IBA57: variants seen among roughly 807,000 people sequenced by gnomAD.
IBA57 encodes iron-sulfur cluster assembly factor IBA57, mitochondrial.
A neutral mutation model predicts 20.4 loss-of-function variants in IBA57; 20 were observed. The observed-to-expected ratio is 0.98, with a 90% CI of 0.69 to 1.42. The LOEUF (loss-of-function observed/expected upper bound fraction) is 1.42, where lower values mean the gene tolerates loss of function less well. Ranked by LOEUF, IBA57 falls within the 40% of genes most tolerant of loss-of-function variation. IBA57 has a pLI of 0.00. For missense variants in IBA57, 608 were observed against 499.3 expected (o/e 1.22, Z -2.07); for synonymous variants, 310 against 233.9 (o/e 1.33, Z -2.97).
Position 228,165,866 on chromosome 1 carries a change from C to G in IBA57, c.50C>G (p.Pro17Arg). 4 of 1,314,066 alleles carry G rather than the reference C, an allele frequency of 3.0e-6. No individual in the cohort carries two copies. The highest frequency in any genetic ancestry group is 3.9e-6 in the Non-Finnish European group (4 of 1,038,036). The allele number at this position is 1,314,066 out of a possible 1,614,324, so 81.4% of individuals were successfully genotyped here. A position where few individuals can be genotyped will look rare whatever the true frequency, so the allele number is the denominator to read the frequency against. The part of the protein sequence containing the change: ...LRGATPGRGG[P>R]VWRWRLRAAP... Reference sequence around the variant, plus strand: ...GGCGCCACTCCGGGGCGCGGCGGCCCGGTCTGGCGCTGGCGGCTGCGCGCG... The same window carrying G: ...GGCGCCACTCCGGGGCGCGGCGGCCGGGTCTGGCGCTGGCGGCTGCGCGCG... Residue 17 changes from proline to arginine, a missense_variant, in exon 1 of 3, where the codon CCG (proline) becomes CGG (arginine). Physicochemically the swap from Pro to Arg is moderately radical, Grantham distance 103. Transcript: ENST00000366711.
rs140710234 is a variant in IBA57, at chr1:228,167,698, T to C, written c.341+1541T>C. Reference sequence around the variant, plus strand: ...TGGAGTGGTAGAGTTGTGGCACGAGTGTGGCCCTCAAGCCTAAGTTATTCA... The same window carrying C: ...TGGAGTGGTAGAGTTGTGGCACGAGCGTGGCCCTCAAGCCTAAGTTATTCA... On this transcript the variant is annotated intron_variant, in intron 1 of 2. Coordinates refer to ENST00000366711, the MANE Select transcript of IBA57 (RefSeq NM_001010867.4). Among the ~76,000 whole-genome samples the C allele has an allele frequency of 4.5e-3, 690 of 152,254 alleles. 16 individuals carry two copies. Among genetic ancestry groups the C allele is most frequent in the East Asian group, 0.031 (163 of 5,182 alleles).
chr1:228,165,894 C>T lies in IBA57; in HGVS notation c.78C>T (p.Ala26=). 1 of 1,403,434 alleles carries T rather than the reference C, an allele frequency of 7.1e-7. No individual in the cohort carries two copies. Among genetic ancestry groups the T allele is most frequent in the Non-Finnish European group, 9.2e-7 (1 of 1,081,986 alleles). The allele number at this position is 1,403,434 out of a possible 1,614,324, so 86.9% of individuals were successfully genotyped here. Reference sequence around the variant, plus strand: ...TCTGGCGCTGGCGGCTGCGCGCGGCCCCAAGGTGCCGCCTGGCCCACAGCT... The same window carrying T: ...TCTGGCGCTGGCGGCTGCGCGCGGCTCCAAGGTGCCGCCTGGCCCACAGCT... The part of the protein sequence containing the change: ...GPVWRWRLRA[A]PRCRLAHSSC... The change falls in exon 1 of 3, where the codon GCC becomes GCT. Residue 26 remains alanine, a synonymous_variant. Transcript: ENST00000366711.
In IBA57 at chr1:228,180,361, C is replaced by T. The variant is rs1276222385; in HGVS notation, c.*4848C>T. On this transcript the variant is annotated 3_prime_UTR_variant, in exon 3 of 3. Coordinates refer to ENST00000366711, the MANE Select transcript of IBA57 (RefSeq NM_001010867.4). Reference sequence around the variant, plus strand: ...TGGATTTGTGGGCATGTCTAAAACACCACATCTAGAAGCTTCTACTTAGAA... The same window carrying T: ...TGGATTTGTGGGCATGTCTAAAACATCACATCTAGAAGCTTCTACTTAGAA... 1 of 151,936 alleles carries T rather than the reference C, an allele frequency of 6.6e-6. No individual in the cohort carries two copies. The highest frequency in any genetic ancestry group is 1.9e-4 in the East Asian group (1 of 5,172). The allele number at this position is 151,936 out of a possible 1,614,324, so 9.4% of individuals were successfully genotyped here.
Position 228,175,492 on chromosome 1 carries a change from G to A in IBA57, c.1050G>A (p.Trp350Ter). 6.3e-7 allele frequency: 1 copy of A among 1,577,702 alleles called. No individual in the cohort carries two copies. Among genetic ancestry groups the A allele is most frequent in the East Asian group, 2.2e-5 (1 of 44,472 alleles). The part of the protein sequence containing the change: ...QVALAASVPD[W>*]WPTVSK ...CCTTAGCCGCATCTGTGCCAGACTG[G>A]TGGCCTACAGTCTCCAAGTAGTCCG... The change falls in exon 3 of 3, where the codon TGG becomes TGA. Residue 350 changes from tryptophan (W) to a stop codon, truncating the protein, a stop_gained. Coordinates refer to ENST00000366711, the MANE Select transcript of IBA57 (RefSeq NM_001010867.4). LOFTEE classifies it high-confidence loss of function.
At chr1:228,166,302 C>T in intron 1 of IBA57, 145 bp downstream of exon 1, 1 of 317,670 alleles carries the variant, frequency 3.1e-6, no homozygotes, top group South Asian at 3.6e-5. Context: ...GGTGGAAGCT[C>T]AAGGGTGGGT....
intron 1 of IBA57, among the ~76,000 whole-genome samples, chr1:228,174,083 G>A (rs2034965168): frequency 6.6e-6 from 1 of 152,180 alleles, no homozygotes; most frequent in Non-Finnish European, 1.5e-5. Context: ...TAGCTGTGAT[G>A]CGCGCCTTGG....
In IBA57 at chr1:228,180,672, A is replaced by G. The variant is rs1007289495; in HGVS notation, c.*5159A>G. The G allele has an allele frequency of 1.3e-5, 2 of 151,390 alleles. No individual in the cohort carries two copies. The highest frequency in any genetic ancestry group is 2.9e-5 in the Non-Finnish European group (2 of 67,818). The allele number at this position is 151,390 out of a possible 1,614,324, so 9.4% of individuals were successfully genotyped here. A position where few individuals can be genotyped will look rare whatever the true frequency, so the allele number is the denominator to read the frequency against. On this transcript the variant is annotated 3_prime_UTR_variant, in exon 3 of 3. Transcript: ENST00000366711. ...GGAGTGTTTTTTTTTTTTTTGAGAC[A>G]GAGTCTCACTCTTGCCCAGGCTGGA...
At position 228,178,728 on chromosome 1, in the gene IBA57, C is replaced by T. The variant is rs1326358173; in HGVS notation, c.*3215C>T. The T allele has an allele frequency of 6.6e-6, 1 of 152,252 alleles. No homozygotes were observed. The highest frequency in any genetic ancestry group is 1.9e-4 in the East Asian group (1 of 5,198). The allele number at this position is 152,252 out of a possible 1,614,324, so 9.4% of individuals were successfully genotyped here. On this transcript the variant is annotated 3_prime_UTR_variant, in exon 3 of 3. Transcript: ENST00000366711. ...AAGAAGTATACGTTCATTGTAAAAT[C>T]ATTATCATCATCATCTTCTAATCCC...
chr1:228,175,500 C>G lies in IBA57; in HGVS notation c.1058C>G (p.Thr353Arg), dbSNP rs1467217055. 1 of 1,574,184 alleles carries G rather than the reference C, an allele frequency of 6.4e-7. No homozygotes were observed. Among genetic ancestry groups the G allele is most frequent in the South Asian group, 1.2e-5 (1 of 85,600 alleles). Residue 353 changes from threonine (T) to arginine (R), a missense_variant, in exon 3 of 3, where the codon ACA (threonine) becomes AGA (arginine). Thr to Arg is a moderately conservative substitution (Grantham distance 71). Transcript: ENST00000366711. ...LAASVPDWWP[T>R]VSK ...GCATCTGTGCCAGACTGGTGGCCTA[C>G]AGTCTCCAAGTAGTCCGAAGCCTTG... is the stretch of plus-strand genomic sequence containing the variant.
At chr1:228,173,402 C>CCCG (rs2034953000) in intron 1 of IBA57, 1 of 127,894 alleles carries the variant, frequency 7.8e-6, no homozygotes, top group African/African-American at 2.8e-5. Context: ...ACTTAGTGCC[C>CCCG]CCCCCCCCGA....
At chr1:228,169,974 C>T (rs1023566871) in intron 1 of IBA57, among the ~76,000 whole-genome samples, 1 of 152,168 alleles carries the variant, frequency 6.6e-6, no homozygotes, top group African/African-American at 2.4e-5. Flanking sequence ...TCAAGCGATT[C>T]TCCTGCCTCA....
Position 228,176,910 on chromosome 1 carries a change from C to G in IBA57, c.*1397C>G, listed in dbSNP as rs1558127578. On this transcript the variant is annotated 3_prime_UTR_variant, in exon 3 of 3. Coordinates refer to ENST00000366711, the MANE Select transcript of IBA57 (RefSeq NM_001010867.4). ...CCGCTGCAGTCAGCTCTCCTATGGG[C>G]AAGGAAACAGCTAGGTGGCCCTGAC... is the stretch of plus-strand genomic sequence containing the variant. 6.6e-6 allele frequency: 1 copy of G among 152,498 alleles called. No homozygotes were observed. Among genetic ancestry groups the G allele is most frequent in the Non-Finnish European group, 1.5e-5 (1 of 68,250 alleles). The allele number at this position is 152,498 out of a possible 1,614,324, so 9.4% of individuals were successfully genotyped here. A position where few individuals can be genotyped will look rare whatever the true frequency, so the allele number is the denominator to read the frequency against.
At chr1:228,172,246 G>A (rs1430020053) in intron 1 of IBA57, 2 of 152,052 alleles carry the variant, frequency 1.3e-5, no homozygotes, top group East Asian at 3.9e-4. Context: ...CTGGATTTGT[G>A]TGTCTTACTT....
At chr1:228,167,620 G>A (rs1407230037) in intron 1 of IBA57, among the ~76,000 whole-genome samples, 1 of 152,200 alleles carries the variant, frequency 6.6e-6, no homozygotes, top group Non-Finnish European at 1.5e-5. Context: ...GCCTCCCAAA[G>A]TGCAGGGATT....
chr1:228,165,948 C>T lies in IBA57; in HGVS notation c.132C>T (p.Ala44=), dbSNP rs1348423902. 2 of 1,503,750 alleles carry T rather than the reference C, an allele frequency of 1.3e-6. No individual in the cohort carries two copies. The highest frequency in any genetic ancestry group is 1.8e-6 in the Non-Finnish European group (2 of 1,133,882). 93.2% of individuals were successfully genotyped at this position (1,503,750 alleles called of 1,614,324 possible). The change falls in exon 1 of 3, where the codon GCC becomes GCT. Residue 44 remains alanine (A), a synonymous_variant. Coordinates refer to ENST00000366711, the MANE Select transcript of IBA57 (RefSeq NM_001010867.4). ...SSCSPGGDPT[A]GAAWACFRLD... is the part of the protein sequence containing the mutation. ...GCAGTCCTGGTGGCGACCCAACGGCCGGAGCGGCCTGGGCCTGCTTCCGGC... is the reference window on the plus strand; with the variant it reads ...GCAGTCCTGGTGGCGACCCAACGGCTGGAGCGGCCTGGGCCTGCTTCCGGC...
chr1:228,175,949 G>C lies in IBA57; in HGVS notation c.*436G>C, dbSNP rs2035011884. 1 of 167,470 alleles carries C rather than the reference G, an allele frequency of 6.0e-6. No individual in the cohort carries two copies. The highest frequency in any genetic ancestry group is 1.7e-4 in the South Asian group (1 of 5,842). 10.4% of individuals were successfully genotyped at this position (167,470 alleles called of 1,614,324 possible). On this transcript the variant is annotated 3_prime_UTR_variant, in exon 3 of 3. Coordinates refer to ENST00000366711, the MANE Select transcript of IBA57 (RefSeq NM_001010867.4). ...CCAGGGTCTGCAGGCTGGGGCTCGGGCTTTGGGAGTTGTTTCACTGTGCTT... is the reference window on the plus strand; with the variant it reads ...CCAGGGTCTGCAGGCTGGGGCTCGGCCTTTGGGAGTTGTTTCACTGTGCTT...
chr1:228,168,918 C>T (rs954279897), intron 1 of IBA57, among the ~76,000 whole-genome samples: 7 of 152,102 alleles, frequency 4.6e-5, no homozygotes, highest in African/African-American at 1.7e-4. Context: ...GAGTTCATGG[C>T]CCTGTTTCTC....
Position 228,179,111 on chromosome 1 carries a change from A to C in IBA57, c.*3598A>C, listed in dbSNP as rs1327317957. On this transcript the variant is annotated 3_prime_UTR_variant, in exon 3 of 3. Coordinates refer to ENST00000366711, the MANE Select transcript of IBA57 (RefSeq NM_001010867.4). ...TGGAATTTTTTTTTTTTTTTGAGAT[A>C]CCAAAACATCCTAAGGTACAGGAAA... 1 of 149,382 alleles carries C rather than the reference A, an allele frequency of 6.7e-6. No homozygotes were observed. Among genetic ancestry groups the C allele is most frequent in the Non-Finnish European group, 1.5e-5 (1 of 67,426 alleles). The allele number at this position is 149,382 out of a possible 1,614,324, so 9.3% of individuals were successfully genotyped here.
intron 1 of IBA57, among the ~76,000 whole-genome samples, chr1:228,168,442 A>G (rs1322658986): frequency 6.6e-6 from 1 of 152,146 alleles, no homozygotes; most frequent in Non-Finnish European, 1.5e-5. Context: ...CAGTGTCCCT[A>G]GCCCTTGCAT....
Sources: allele counts gnomAD v4.1 joint callset (sites outside exome capture counted in the v4.1 genomes callset), GRCh38; gene constraint gnomAD v4.1.1; transcripts MANE v1.5; gene names NCBI Gene and HGNC (gene_info 2026-07-23, HGNC 2026-07-21).